Variants in PRRG1 observed in about 807,000 individuals in gnomAD.
PRRG1 encodes the protein proline rich and Gla domain 1.
In PRRG1, 5 loss-of-function variants were observed where a neutral mutation model predicts 11.8. The observed-to-expected ratio is 0.42, with a 90% CI of 0.22 to 0.89. PRRG1 has a LOEUF of 0.89. Ranked by LOEUF, PRRG1 falls within the 40% of genes least tolerant of loss-of-function variation. The pLI is 0.28. For missense variants in PRRG1, 155 were observed against 166.1 expected, an observed-to-expected ratio of 0.93 and a Z score of 0.37; for synonymous variants, 66 against 60.4, an observed-to-expected ratio of 1.09 and a Z score of -0.43.
chrX:37,449,814 T>C (rs982672953), intron 3 of PRRG1, among the ~76,000 whole-genome samples: 1 of 112,735 alleles, frequency 8.9e-6, no homozygotes, highest in Non-Finnish European at 1.9e-5. Context: ...GTTAAATCCT[T>C]CTAAAGCACT....
intron 3 of PRRG1, among the ~76,000 whole-genome samples, chrX:37,439,273 A>C (rs1439073186): frequency 8.9e-6 from 1 of 112,238 alleles, no homozygotes; most frequent in African/African-American, 3.2e-5. Context: ...GATAGTATCC[A>C]ATTCCAAAAG....
chrX:37,403,029 G>T (rs1460916006), intron 1 of PRRG1, among the ~76,000 whole-genome samples: 1 of 110,345 alleles, frequency 9.1e-6, no homozygotes, highest in African/African-American at 3.3e-5. Context: ...TACACTGTTG[G>T]TGGGACTGTA....
chrX:37,364,664 G>A lies in PRRG1; in HGVS notation c.-42+15269G>A, dbSNP rs782300975. Among the ~76,000 whole-genome samples, 8 of 111,469 alleles carry A rather than the reference G, an allele frequency of 7.2e-5. No homozygotes were observed. The South Asian group carries it at 1.9e-3, about 26-fold the overall frequency. On this transcript the variant is annotated intron_variant, in intron 1 of 3. Coordinates refer to ENST00000378628, the MANE Select transcript of PRRG1 (RefSeq NM_001142395.2). ...CAAATTGTTTTATGGATTCCTTTTCGTGTTACTTCCCATCTTCACAAAGGT... is the reference window on the plus strand; with the variant it reads ...CAAATTGTTTTATGGATTCCTTTTCATGTTACTTCCCATCTTCACAAAGGT...
intron 3 of PRRG1, among the ~76,000 whole-genome samples, chrX:37,448,429 G>T (rs6608976): frequency 5.4e-5 from 6 of 110,477 alleles, no homozygotes; most frequent in Admixed American, 5.3e-4. Flanking sequence ...TGAAGACTTG[G>T]CCTGTGACCA....
chrX:37,445,499 A>G (rs1405552353), intron 3 of PRRG1, among the ~76,000 whole-genome samples: 1 of 112,281 alleles, frequency 8.9e-6, no homozygotes, highest in African/African-American at 3.2e-5. Context: ...ACCTTGGGAT[A>G]ACCTGGGATA....
chrX:37,411,936 C>T, intron 2 of PRRG1, among the ~76,000 whole-genome samples: 1 of 111,650 alleles, frequency 9.0e-6, no homozygotes, highest in Non-Finnish European at 1.9e-5. Context: ...ATGAAGATAA[C>T]TTAGGATTTT....
chrX:37,453,570 C>G lies in PRRG1; in HGVS notation c.606C>G (p.Ser202=). The stretch of plus-strand genomic sequence containing the variant: ...CAGAGTATGAGGACATAGTCAACTC[C>G]AACTCAGCCAGTGCCATTCCTATGG... ...PPPEYEDIVN[S]NSASAIPMVP... is the part of the protein sequence containing the mutation. The change falls in exon 4 of 4, where the codon TCC becomes TCG. Residue 202 remains serine, a synonymous_variant. Transcript: ENST00000378628. 8.3e-7 allele frequency: 1 copy of G among 1,205,741 alleles called. No homozygotes were observed.
intron 1 of PRRG1, among the ~76,000 whole-genome samples, chrX:37,373,053 C>T (rs1930818990): frequency 8.9e-6 from 1 of 112,025 alleles, no homozygotes; most frequent in African/African-American, 3.2e-5. Flanking sequence ...TGAAGAGACT[C>T]TCCTTTTCCC....
intron 3 of PRRG1, among the ~76,000 whole-genome samples, chrX:37,447,177 G>A (rs782289457): frequency 1.8e-5 from 2 of 111,575 alleles, no homozygotes; most frequent in Admixed American, 1.9e-4. Context: ...ACAAAAACTA[G>A]GTAAGATTTT....
intron 3 of PRRG1, among the ~76,000 whole-genome samples, chrX:37,436,706 C>G (rs1337888913): frequency 4.5e-5 from 5 of 112,326 alleles, no homozygotes; most frequent in Non-Finnish European, 9.4e-5. Flanking sequence ...TTCCCCACCC[C>G]TAGTGACTAA....
chrX:37,439,110 T>G (rs17246106), intron 3 of PRRG1, among the ~76,000 whole-genome samples: 15,407 of 111,403 alleles, frequency 0.14, 1,087 homozygotes, highest in Middle Eastern at 0.27. Flanking sequence ...AGCCCAAGTC[T>G]TGGGTACTGT....
At chrX:37,371,686 C>T (rs782645005) in intron 1 of PRRG1, among the ~76,000 whole-genome samples, 7 of 113,163 alleles carry the variant, frequency 6.2e-5, no homozygotes, top group African/African-American at 2.2e-4. Context: ...GCTTGCAGTA[C>T]GCCTGGCCCA....
At chrX:37,444,863 T>TC (rs1331712895) in intron 3 of PRRG1, among the ~76,000 whole-genome samples, 15 of 110,798 alleles carry the variant, frequency 1.4e-4, no homozygotes, top group Non-Finnish European at 2.6e-4. Context: ...TTCTGTGTAA[T>TC]CCCCCCCAAT....
At chrX:37,405,126 C>G (rs1932147756) in intron 1 of PRRG1, among the ~76,000 whole-genome samples, 2 of 112,066 alleles carry the variant, frequency 1.8e-5, no homozygotes, top group Admixed American at 1.9e-4. Context: ...GGCTCTGTAT[C>G]AACTTACTAT....
intron 3 of PRRG1, among the ~76,000 whole-genome samples, chrX:37,429,353 A>G (rs782507716): frequency 8.9e-6 from 1 of 112,038 alleles, no homozygotes; most frequent in East Asian, 2.8e-4. Context: ...CTTTTAACAG[A>G]ACCCAAGTCA....
intron 1 of PRRG1, among the ~76,000 whole-genome samples, chrX:37,381,603 CTGTCT>C (rs1931156248): frequency 9.0e-6 from 1 of 111,351 alleles, no homozygotes; most frequent in Non-Finnish European, 1.9e-5. Flanking sequence ...TATCCTGTCT[CTGTCT>C]TATCTCTCTT....
chrX:37,369,566 C>T (rs1930692601), intron 1 of PRRG1, among the ~76,000 whole-genome samples: 3 of 111,713 alleles, frequency 2.7e-5, no homozygotes, highest in African/African-American at 9.8e-5. Flanking sequence ...CAGTAGATCT[C>T]TTGAATTTAT....
At chrX:37,446,310 C>T (rs782498915) in intron 3 of PRRG1, among the ~76,000 whole-genome samples, 10 of 111,290 alleles carry the variant, frequency 9.0e-5, no homozygotes, top group Non-Finnish European at 1.5e-4. Context: ...TGTCCTATTC[C>T]TAGTAATAAA....
intron 2 of PRRG1, among the ~76,000 whole-genome samples, chrX:37,423,906 A>G (rs782058477): frequency 1.8e-5 from 2 of 110,862 alleles, no homozygotes; most frequent in East Asian, 5.6e-4. Context: ...TTATTCCTGT[A>G]TCTTTTCAAT....
Sources: allele counts gnomAD v4.1 joint callset (sites outside exome capture counted in the v4.1 genomes callset), GRCh38; gene constraint gnomAD v4.1.1; transcripts MANE v1.5; gene names NCBI Gene and HGNC (gene_info 2026-07-23, HGNC 2026-07-21).